Variants in MACF1 observed in about 807,000 individuals in gnomAD.
MACF1 encodes the protein microtubule actin crosslinking factor 1, also known as microtubule-actin cross-linking factor 1.
In MACF1, 193 loss-of-function variants were observed where a neutral mutation model predicts 854.8. The observed-to-expected ratio is 0.23, with a 90% CI of 0.20 to 0.25. The LOEUF (loss-of-function observed/expected upper bound fraction) is 0.25, where lower values mean the gene tolerates loss of function less well. Among genes scored for constraint, MACF1 ranks in the 10% least tolerant of loss-of-function variants. The pLI is 1.00. For synonymous variants in MACF1, 3,185 were observed against 3,226.7 expected (o/e 0.99, Z 0.44); for missense variants, 7,722 against 8,929.1 (o/e 0.86, Z 5.45).
At position 39,102,605 on chromosome 1, in the gene MACF1, A is replaced by G; in HGVS notation, c.220+18167A>G. On this transcript the variant is annotated intron_variant, in intron 2 of 93. Transcript: ENST00000361689. The stretch of plus-strand genomic sequence containing the variant: ...GGCGCTGAAAGAAATAGAAAGTGGC[A>G]GGGCTTTAGGGATAGGGGTATTTGA... 3 of 605,986 alleles carry G rather than the reference A, an allele frequency of 5.0e-6. No individual in the cohort carries two copies. The South Asian group carries it at 6.0e-5, about 12-fold the overall frequency. The allele number at this position is 605,986 out of a possible 1,614,324, so 37.5% of individuals were successfully genotyped here.
rs1267999040 is a variant in MACF1 at position 39,105,704 on chromosome 1, G to A, written c.220+21266G>A. 1 of 1,226,842 alleles carries A rather than the reference G, an allele frequency of 8.2e-7. No individual in the cohort carries two copies. 76.0% of individuals were successfully genotyped at this position (1,226,842 alleles called of 1,614,324 possible). A position where few individuals can be genotyped will look rare whatever the true frequency, so the allele number is the denominator to read the frequency against. ...TCGTGCAGGCGTACGAGGATGTGCT[G>A]GAGCGGTACAAAGGTAGGGCCGGGG... On this transcript the variant is annotated intron_variant, in intron 2 of 93. Coordinates refer to the MACF1 transcript ENST00000361689. This position sits in a 1 kb window ranked among gnomAD's most constrained non-coding sequence, Gnocchi z 5.9.
Position 39,174,500 on chromosome 1 carries a change from T to A in MACF1, c.221-56682T>A, listed in dbSNP as rs562849201. 1.7e-4 allele frequency among the ~76,000 whole-genome samples: 26 copies of A among 152,140 alleles called. No homozygotes were observed. In the South Asian group the frequency reaches 5.2e-3, roughly 30 times the overall value. ...AAGTCAGGGCTTTTTTTTTATAGAATGAAAAGGAAGCAGACATTCCCATTA... is the reference window on the plus strand; with the variant it reads ...AAGTCAGGGCTTTTTTTTTATAGAAAGAAAAGGAAGCAGACATTCCCATTA... On this transcript the variant is annotated intron_variant, in intron 2 of 93. Transcript: ENST00000361689.
At chr1:39,398,741 G>A (rs1642365895) in intron 58 of MACF1, among the ~76,000 whole-genome samples, 1 of 152,096 alleles carries the variant, frequency 6.6e-6, no homozygotes, top group Non-Finnish European at 1.5e-5. Flanking sequence ...CAGGATCTTG[G>A]GGAACTAATC....
intron 1 of MACF1, among the ~76,000 whole-genome samples, chr1:39,219,433 T>C (rs955827042): frequency 2.6e-5 from 4 of 152,216 alleles, no homozygotes; most frequent in African/African-American, 9.6e-5. Flanking sequence ...GTTGTGAGGA[T>C]TGTCAAATAC....
intron 2 of MACF1, among the ~76,000 whole-genome samples, chr1:39,164,670 A>T (rs1643866432): frequency 6.6e-6 from 1 of 152,212 alleles, no homozygotes; most frequent in Non-Finnish European, 1.5e-5. Flanking sequence ...CAGTAGCAAG[A>T]ATGACCATCA....
At chr1:39,215,335 AG>A (rs1246340162) in intron 1 of MACF1, 1 of 152,470 alleles carries the variant, frequency 6.6e-6, no homozygotes, top group Admixed American at 6.6e-5. Flanking sequence ...CCCTCCTTTT[AG>A]GTGGGGTCAG....
Position 39,349,444 on chromosome 1 carries a change from G to A in MACF1, c.10816-34G>A, listed in dbSNP as rs183564428. On this transcript the variant is annotated intron_variant, in intron 41 of 100. Transcript: ENST00000564288. ...CTTGTATTTGCAAAATGTGAATTAC[G>A]AAATGTCTCTTGACCCCTTTGCATT... 1,472 of 1,564,112 alleles carry A rather than the reference G, an allele frequency of 9.4e-4. 2 individuals are homozygous for A. Among genetic ancestry groups the A allele is most frequent in the Admixed American group, 1.7e-3 (85 of 50,680 alleles).
At chr1:39,414,592 C>T (rs1206996485) in intron 58 of MACF1, 3 of 1,486,106 alleles carry the variant, frequency 2.0e-6, no homozygotes, top group Non-Finnish European at 2.7e-6. Context: ...TTTGGGTCTC[C>T]CGGGCTTATA....
chr1:39,255,752 T>C (rs991208234), intron 5 of MACF1, among the ~76,000 whole-genome samples: 1 of 152,134 alleles, frequency 6.6e-6, no homozygotes. Flanking sequence ...TAAATAAAAG[T>C]GGTAGAAGTG....
intron 37 of MACF1, among the ~76,000 whole-genome samples, chr1:39,336,911 G>C (rs1165620510): frequency 1.3e-5 from 2 of 152,174 alleles, no homozygotes; most frequent in African/African-American, 4.8e-5. Context: ...AGAAATACTA[G>C]GATGATGCTA....
Position 39,441,934 on chromosome 1 carries a change from A to C in MACF1, c.18673-18A>C, listed in dbSNP as rs1386302580. The C allele has an allele frequency of 1.3e-6, 2 of 1,591,164 alleles. No homozygotes were observed. Among genetic ancestry groups the C allele is most frequent in the Non-Finnish European group, 1.7e-6 (2 of 1,159,842 alleles). ...TTCTTCTGGTTGTTTTTGACTGTTT[A>C]CTTGTCTTTTGTTCTAGGCTATGTT... On this transcript the variant is annotated intron_variant, in intron 74 of 100. Transcript: ENST00000564288.
intron 22 of MACF1, among the ~76,000 whole-genome samples, chr1:39,302,708 T>G (rs1264875672): frequency 6.6e-6 from 1 of 152,254 alleles, no homozygotes; most frequent in African/African-American, 2.4e-5. Flanking sequence ...AATACATACT[T>G]ATTTCCTTGA....
intron 2 of MACF1, among the ~76,000 whole-genome samples, chr1:39,104,395 C>A (rs912004626): frequency 2.0e-5 from 3 of 152,204 alleles, no homozygotes; most frequent in Non-Finnish European, 2.9e-5. Flanking sequence ...AGTTTCCTTT[C>A]TTTACTCTTT....
At position 39,252,247 on chromosome 1, in the gene MACF1, G is replaced by C. The variant is rs1377225200; in HGVS notation, c.357+306G>C. 2.6e-5 allele frequency among the ~76,000 whole-genome samples: 4 copies of C among 152,184 alleles called. No homozygotes were observed. The East Asian group carries it at 7.7e-4, about 29-fold the overall frequency. On this transcript the variant is annotated intron_variant, in intron 4 of 100. Transcript: ENST00000564288. Reference sequence around the variant, plus strand: ...CCCATAGCTTTCTGGTGGCCTTGCTGTGTTTTCTGAGTCCAGATTGCAGAA... The same window carrying C: ...CCCATAGCTTTCTGGTGGCCTTGCTCTGTTTTCTGAGTCCAGATTGCAGAA...
At chr1:39,421,144 C>T (rs975067405) in intron 58 of MACF1, among the ~76,000 whole-genome samples, 3 of 152,150 alleles carry the variant, frequency 2.0e-5, no homozygotes, top group Non-Finnish European at 4.4e-5. Context: ...GGATTACAGG[C>T]GTGAGCCACT....
intron 58 of MACF1, chr1:39,414,311 T>G (rs995206769): frequency 3.1e-6 from 5 of 1,614,008 alleles, no homozygotes; most frequent in Non-Finnish European, 4.2e-6. Context: ...ACTGACTCAG[T>G]GCCTATTTCA....
chr1:39,320,756 C>G (rs768402218), intron 31 of MACF1, among the ~76,000 whole-genome samples: 8 of 151,986 alleles, frequency 5.3e-5, no homozygotes, highest in Non-Finnish European at 1.0e-4. Context: ...TTACTTGATC[C>G]CAGAAGTTTG....
intron 79 of MACF1, among the ~76,000 whole-genome samples, chr1:39,444,250 G>C (rs1238773461): frequency 6.6e-6 from 1 of 152,014 alleles, no homozygotes; most frequent in Non-Finnish European, 1.5e-5. Context: ...CAGGAGAATG[G>C]TGTGAACCCG....
At position 39,190,395 on chromosome 1, in the gene MACF1, GTTTTTGTTT is replaced by G. The variant is rs1341452397; in HGVS notation, c.221-40781_221-40773del. Among the ~76,000 whole-genome samples the G allele has an allele frequency of 3.3e-4, 26 of 79,060 alleles. 3 individuals carry two copies. In the Admixed American group the frequency reaches 3.8e-3, roughly 12 times the overall value. 51.9% of individuals were successfully genotyped at this position (79,060 alleles called of 152,430 possible). On this transcript the variant is annotated intron_variant, in intron 2 of 93. Transcript: ENST00000361689. The stretch of plus-strand genomic sequence containing the variant: ...TGTGTGTGTGTGTGTGTGTGTGTTT[GTTTTTGTTT>G]TTTTTTTTTTTTTTTGATGGAATCT...
Sources: allele counts gnomAD v4.1 joint callset (sites outside exome capture counted in the v4.1 genomes callset), GRCh38; gene constraint gnomAD v4.1.1; non-coding constraint Gnocchi (gnomAD v3.1); transcripts MANE v1.5; gene names NCBI Gene and HGNC (gene_info 2026-07-23, HGNC 2026-07-21).